ZC3H6: variants seen among roughly 807,000 people sequenced by gnomAD.
The protein encoded by ZC3H6 is zinc finger CCCH domain-containing protein 6.
Under a neutral mutation model 107.7 loss-of-function variants are expected in ZC3H6, and 40 were observed. That is an observed-to-expected ratio of 0.37 (90% CI 0.29 to 0.48). ZC3H6 has a LOEUF of 0.48. Among genes scored for constraint, ZC3H6 ranks in the 20% least tolerant of loss-of-function variants. The pLI is 0.98. For synonymous variants in ZC3H6, 493 were observed against 487.9 expected (o/e 1.01, Z -0.14); for missense variants, 1,267 against 1,410.4 (o/e 0.90, Z 1.63).
In ZC3H6 at chr2:112,332,072, A is replaced by G. The variant is rs746200307; in HGVS notation, c.3154A>G (p.Arg1052Gly). Residue 1052 changes from arginine to glycine, a missense_variant, in exon 12 of 12, where the codon AGG (arginine) becomes GGG (glycine). Arg to Gly is a moderately radical substitution (Grantham distance 125, BLOSUM62 -2). This residue lies in a region of ZC3H6 where 925 missense variants were observed against 1,025.7 expected (regional missense o/e 0.90). Coordinates refer to ENST00000409871, the MANE Select transcript of ZC3H6 (RefSeq NM_198581.3). ...TAGTGGTATTAGTTTGTATGACCCT[A>G]GGGATCACGGTTCATCATCCACATC... Reference protein sequence around the residue: ...VLSGISLYDPRDHGSSSTSEL... With the variant: ...VLSGISLYDPGDHGSSSTSEL... The G allele has an allele frequency of 3.2e-5, 52 of 1,613,908 alleles. No individual in the cohort carries two copies. Among genetic ancestry groups the G allele is most frequent in the Non-Finnish European group, 4.4e-5 (52 of 1,179,894 alleles).
chr2:112,333,100 G>A lies in ZC3H6; in HGVS notation c.*612G>A, dbSNP rs562857370. 2 of 152,658 alleles carry A rather than the reference G, an allele frequency of 1.3e-5. No individual in the cohort carries two copies. The highest frequency in any genetic ancestry group is 2.1e-4 in the South Asian group (1 of 4,826). The allele number at this position is 152,658 out of a possible 1,614,324, so 9.5% of individuals were successfully genotyped here. ...TTTTTAAAGTATTTTATTGTATACT[G>A]TATCATAGAAGTTGGAGGTATATAA... On this transcript the variant is annotated 3_prime_UTR_variant, in exon 12 of 12. Coordinates refer to ENST00000409871, the MANE Select transcript of ZC3H6 (RefSeq NM_198581.3).
chr2:112,283,407 T>C (rs1366759695), intron 1 of ZC3H6, among the ~76,000 whole-genome samples: 1 of 151,936 alleles, frequency 6.6e-6, no homozygotes, highest in Non-Finnish European at 1.5e-5. Context: ...CCCACATTCT[T>C]GAATGGCAAA....
At chr2:112,298,607 A>C (rs1041350466) in intron 1 of ZC3H6, among the ~76,000 whole-genome samples, 1 of 152,244 alleles carries the variant, frequency 6.6e-6, no homozygotes, top group Non-Finnish European at 1.5e-5. Context: ...GAATTACTTC[A>C]TGCTTAAAAA....
In ZC3H6 at chr2:112,324,304, C is replaced by T. The variant is rs764287402; in HGVS notation, c.1493C>T (p.Ser498Phe). Residue 498 changes from serine (S) to phenylalanine (F), a missense_variant, in exon 10 of 12, where the codon TCC becomes TTC. Transcript: ENST00000409871. Reference protein sequence around the residue: ...GHSSPVMHPGSPGHHPCAGPP... With the variant: ...GHSSPVMHPGFPGHHPCAGPP... Reference sequence around the variant, plus strand: ...AGTAGTCCTGTGATGCACCCAGGCTCCCCTGGACATCACCCATGTGCAGGA... The same window carrying T: ...AGTAGTCCTGTGATGCACCCAGGCTTCCCTGGACATCACCCATGTGCAGGA... 1.9e-5 allele frequency: 31 copies of T among 1,613,854 alleles called. No individual in the cohort carries two copies. The highest frequency in any genetic ancestry group is 2.3e-5 in the Non-Finnish European group (27 of 1,179,876).
chr2:112,336,751 G>A lies in ZC3H6; in HGVS notation c.*4263G>A, dbSNP rs924891491. 6.6e-6 allele frequency: 1 copy of A among 152,222 alleles called. No individual in the cohort carries two copies. The highest frequency in any genetic ancestry group is 1.9e-4 in the East Asian group (1 of 5,180). 9.4% of individuals were successfully genotyped at this position (152,222 alleles called of 1,614,324 possible). On this transcript the variant is annotated 3_prime_UTR_variant, in exon 12 of 12. Coordinates refer to ENST00000409871, the MANE Select transcript of ZC3H6 (RefSeq NM_198581.3). ...CCTCCCTATTATCCTGCCTTTCCTGGAAAGGATACAGACCCAAGAAAAGTT... is the reference window on the plus strand; with the variant it reads ...CCTCCCTATTATCCTGCCTTTCCTGAAAAGGATACAGACCCAAGAAAAGTT...
intron 3 of ZC3H6, 112 bp from the exon 4 acceptor site, chr2:112,309,773 C>CT: frequency 9.5e-7 from 1 of 1,047,588 alleles, no homozygotes; most frequent in Non-Finnish European, 1.4e-6. Flanking sequence ...GAACTAATAA[C>CT]TGTCTTTTCT....
rs1472766647 is a variant in ZC3H6, at chr2:112,325,170, C to T, written c.2059C>T (p.Pro687Ser). ...QEDEEQTSTQ[P>S]HRAPSKEEDD... ...AGATGAAGAACAAACCAGCACCCAA[C>T]CTCATAGGGCACCAAGCAAGGAAGA... The change falls in exon 11 of 12, where the codon CCT becomes TCT. Residue 687 changes from proline to serine, a missense_variant. Pro to Ser is a moderately conservative substitution (Grantham distance 74). This residue lies in a region of ZC3H6 where 925 missense variants were observed against 1,025.7 expected (regional missense o/e 0.90). Transcript: ENST00000409871. The T allele has an allele frequency of 6.2e-7, 1 of 1,614,000 alleles. No homozygotes were observed.
In ZC3H6 at chr2:112,337,953, AT is replaced by A. The variant is rs1296904541; in HGVS notation, c.*5468del. 1 of 144,884 alleles carries A rather than the reference AT, an allele frequency of 6.9e-6. No individual in the cohort carries two copies. The highest frequency in any genetic ancestry group is 2.6e-5 in the African/African-American group (1 of 39,028). 9.0% of individuals were successfully genotyped at this position (144,884 alleles called of 1,614,324 possible). On this transcript the variant is annotated 3_prime_UTR_variant, in exon 12 of 12. Coordinates refer to ENST00000409871, the MANE Select transcript of ZC3H6 (RefSeq NM_198581.3). ...TTTTTTTTAATTATTATTTATTTTT[AT>A]TTATTTATTTTTTGAGACGGAGTCT... is the stretch of plus-strand genomic sequence containing the variant.
In ZC3H6 at chr2:112,325,215, A is replaced by G. The variant is rs1246919165; in HGVS notation, c.2086+18A>G. Reference sequence around the variant, plus strand: ...GGAAGAAGGTGTGTCAGAAGTTATTAATAGCATCTTACCTATTTGGATGGG... The same window carrying G: ...GGAAGAAGGTGTGTCAGAAGTTATTGATAGCATCTTACCTATTTGGATGGG... On this transcript the variant is annotated intron_variant, in intron 11 of 11. Coordinates refer to ENST00000409871, the MANE Select transcript of ZC3H6 (RefSeq NM_198581.3). The G allele has an allele frequency of 1.2e-6, 2 of 1,610,788 alleles. No homozygotes were observed. Among genetic ancestry groups the G allele is most frequent in the South Asian group, 1.1e-5 (1 of 90,886 alleles).
In ZC3H6 at chr2:112,316,598, G is replaced by A; in HGVS notation, c.864+12G>A. ...GGAGGTGTATTAAGGTAAATTTATA[G>A]AGGTATCATAAGTCATTTTAACTTC... is the stretch of plus-strand genomic sequence containing the variant. On this transcript the variant is annotated intron_variant, in intron 6 of 11. Transcript: ENST00000409871. 6.6e-7 allele frequency: 1 copy of A among 1,504,198 alleles called. No homozygotes were observed. The allele number at this position is 1,504,198 out of a possible 1,614,324, so 93.2% of individuals were successfully genotyped here. A position where few individuals can be genotyped will look rare whatever the true frequency, so the allele number is the denominator to read the frequency against.
chr2:112,324,935 G>T, intron 10 of ZC3H6, 29 bp from the exon 11 acceptor site: 1 of 1,562,544 alleles, frequency 6.4e-7, no homozygotes, highest in South Asian at 1.2e-5. Context: ...CTCACTCAAT[G>T]ACTGTCTCTC....
chr2:112,328,276 T>G (rs1007772280), intron 11 of ZC3H6, among the ~76,000 whole-genome samples: 11 of 152,186 alleles, frequency 7.2e-5, no homozygotes, highest in Non-Finnish European at 1.3e-4. Flanking sequence ...GTGATTCCTC[T>G]AGTTTTGTTC....
intron 1 of ZC3H6, among the ~76,000 whole-genome samples, chr2:112,278,022 G>A (rs910251017): frequency 8.5e-5 from 13 of 152,094 alleles, no homozygotes; most frequent in African/African-American, 2.4e-4. Flanking sequence ...ATTGAGAACC[G>A]CTATACTCGA....
intron 3 of ZC3H6, among the ~76,000 whole-genome samples, chr2:112,305,270 C>T (rs541454469): frequency 6.6e-6 from 1 of 152,108 alleles, no homozygotes; most frequent in Non-Finnish European, 1.5e-5. Flanking sequence ...TTGAAAATAT[C>T]AAGTAATGAG....
rs772630078 is a variant in ZC3H6, at chr2:112,338,422, T to C, written c.*5934T>C. The C allele has an allele frequency of 6.6e-6, 1 of 152,242 alleles. No homozygotes were observed. The highest frequency in any genetic ancestry group is 1.5e-5 in the Non-Finnish European group (1 of 68,042). 9.4% of individuals were successfully genotyped at this position (152,242 alleles called of 1,614,324 possible). ...AAACACCTTTCGTTACCCTTTGGAA[T>C]AGAACAATCATGCTACTGTTAGCAA... On this transcript the variant is annotated 3_prime_UTR_variant, in exon 12 of 12. Transcript: ENST00000409871.
chr2:112,303,944 G>A (rs1676430707), intron 3 of ZC3H6, among the ~76,000 whole-genome samples: 1 of 152,218 alleles, frequency 6.6e-6, no homozygotes, highest in Non-Finnish European at 1.5e-5. Context: ...ATCATATGGT[G>A]ATTCTATGTC....
chr2:112,330,933 TATA>T, intron 11 of ZC3H6, 69 bp from the exon 12 acceptor site: 5 of 638,332 alleles, frequency 7.8e-6, no homozygotes, highest in African/African-American at 2.0e-5. Context: ...AATTTATAAT[TATA>T]ATATAATAAT....
rs1371540111 is a variant in ZC3H6 at position 112,292,026 on chromosome 2, C to T, written c.33-7823C>T. 2.0e-5 allele frequency among the ~76,000 whole-genome samples: 3 copies of T among 152,196 alleles called. No individual in the cohort carries two copies. In the East Asian group the frequency reaches 5.8e-4, roughly 29 times the overall value. On this transcript the variant is annotated intron_variant, in intron 1 of 11. Coordinates refer to ENST00000409871, the MANE Select transcript of ZC3H6 (RefSeq NM_198581.3). ...GCCACTGTGTTTGGCCAGTTCTAGG[C>T]ATTAAGTTCTAATTGGTTCATTTGG...
At chr2:112,296,832 A>G (rs568269900) in intron 1 of ZC3H6, among the ~76,000 whole-genome samples, 8 of 152,338 alleles carry the variant, frequency 5.3e-5, no homozygotes, top group African/African-American at 1.7e-4. Context: ...GCTTTCACCA[A>G]TGAACAAACA....
Sources: gnomAD v4.1 joint callset for allele counts (sites outside exome capture counted in the v4.1 genomes callset) on GRCh38, gnomAD v4.1.1 for gene constraint, gnomAD v4.1.1 regional missense constraint, MANE v1.5 for transcripts, NCBI Gene and HGNC (gene_info 2026-07-23, HGNC 2026-07-21) for gene names.